SLFN12L: variants seen among roughly 807,000 people sequenced by gnomAD.
SLFN12L encodes the protein schlafen family member 12 like.
Under a neutral mutation model 34.8 loss-of-function variants are expected in SLFN12L, and 34 were observed. The observed-to-expected ratio is 0.98, with a 90% CI of 0.74 to 1.30. The LOEUF is 1.30. SLFN12L is among the 50% of genes most tolerant of loss of function. The pLI is 0.00. For missense variants in SLFN12L, 703 were observed against 696.2 expected (o/e 1.01, Z -0.11); for synonymous variants, 259 against 247.5 (o/e 1.05, Z -0.44).
At chr17:35,487,746 G>T in intron 2 of SLFN12L, 1 of 1,536,068 alleles carries the variant, frequency 6.5e-7, no homozygotes, top group Non-Finnish European at 8.7e-7. Context: ...CCATGTCTGC[G>T]CACTCTTCAC....
rs991274237 is a variant in SLFN12L at position 35,467,965 on chromosome 17, A to T, written c.*6958T>A. Reference sequence around the variant, plus strand: ...CACTCTGTTACCCAGGCTGGAGTGCAGTGGCGTGATCACGATTCACTCCCC... The same window carrying T: ...CACTCTGTTACCCAGGCTGGAGTGCTGTGGCGTGATCACGATTCACTCCCC... On this transcript the variant is annotated 3_prime_UTR_variant, in exon 5 of 5. Coordinates refer to ENST00000628453, the MANE Select transcript of SLFN12L (RefSeq NM_001363830.2). Among the ~76,000 whole-genome samples the T allele has an allele frequency of 6.6e-6, 1 of 152,204 alleles. No individual in the cohort carries two copies. Among genetic ancestry groups the T allele is most frequent in the African/African-American group, 2.4e-5 (1 of 41,450 alleles).
intron 2 of SLFN12L, chr17:35,487,863 TG>T: frequency 9.7e-7 from 1 of 1,034,518 alleles, no homozygotes; most frequent in Non-Finnish European, 1.5e-6. Flanking sequence ...TCCCCGGAAG[TG>T]GTGGCACCGC....
intron 2 of SLFN12L, among the ~76,000 whole-genome samples, chr17:35,506,597 T>C (rs949082339): frequency 2.6e-5 from 4 of 152,194 alleles, no homozygotes; most frequent in African/African-American, 9.7e-5. Context: ...CCTGAGCCAG[T>C]ATTTCAAATC....
At position 35,474,902 on chromosome 17, in the gene SLFN12L, G is replaced by A. The variant is rs866011943; in HGVS notation, c.*21C>T. 1.3e-6 allele frequency: 2 copies of A among 1,521,802 alleles called. No homozygotes were observed. The highest frequency in any genetic ancestry group is 1.8e-6 in the Non-Finnish European group (2 of 1,136,440). The allele number at this position is 1,521,802 out of a possible 1,614,324, so 94.3% of individuals were successfully genotyped here. Reference sequence around the variant, plus strand: ...GTCGAGATCGTGTCACTACACTCCAGTCTGGGTGACAGAGTGAGACTCATC... The same window carrying A: ...GTCGAGATCGTGTCACTACACTCCAATCTGGGTGACAGAGTGAGACTCATC... On this transcript the variant is annotated 3_prime_UTR_variant, in exon 5 of 5. Coordinates refer to ENST00000628453, the MANE Select transcript of SLFN12L (RefSeq NM_001363830.2).
At chr17:35,492,079 C>T (rs1262285353) in intron 2 of SLFN12L, among the ~76,000 whole-genome samples, 1 of 152,174 alleles carries the variant, frequency 6.6e-6, no homozygotes, top group African/African-American at 2.4e-5. Flanking sequence ...TTTAAGCATT[C>T]CTGTGGCACC....
At chr17:35,520,480 C>T (rs944440189) in intron 2 of SLFN12L, among the ~76,000 whole-genome samples, 4 of 152,174 alleles carry the variant, frequency 2.6e-5, no homozygotes, top group African/African-American at 9.7e-5. Flanking sequence ...CACGATGGCT[C>T]ATGCCTGTAA....
At chr17:35,502,930 A>G (rs1915348900) in intron 2 of SLFN12L, among the ~76,000 whole-genome samples, 1 of 152,330 alleles carries the variant, frequency 6.6e-6, no homozygotes, top group African/African-American at 2.4e-5. Context: ...AATGTTTGTA[A>G]TAAGTCAGAC....
rs1339551577 is a variant in SLFN12L, at chr17:35,465,715, C to T, written c.*9208G>A. ...GCAGGCACCTCACGGTGGAGGACTACAACATTATTGCTGTGGTCTTGTCGA... is the reference window on the plus strand; with the variant it reads ...GCAGGCACCTCACGGTGGAGGACTATAACATTATTGCTGTGGTCTTGTCGA... On this transcript the variant is annotated 3_prime_UTR_variant, in exon 5 of 5. Coordinates refer to ENST00000628453, the MANE Select transcript of SLFN12L (RefSeq NM_001363830.2). Among the ~76,000 whole-genome samples the T allele has an allele frequency of 6.7e-6, 1 of 149,886 alleles. No individual in the cohort carries two copies. Among genetic ancestry groups the T allele is most frequent in the Admixed American group, 6.7e-5 (1 of 14,896 alleles).
intron 1 of SLFN12L, among the ~76,000 whole-genome samples, chr17:35,528,546 C>A (rs901324351): frequency 6.6e-6 from 1 of 152,132 alleles, no homozygotes; most frequent in Non-Finnish European, 1.5e-5. Flanking sequence ...CACCACACAT[C>A]CACAACCATT....
At chr17:35,529,397 T>C (rs565181085) in intron 1 of SLFN12L, among the ~76,000 whole-genome samples, 11 of 152,352 alleles carry the variant, frequency 7.2e-5, no homozygotes, top group African/African-American at 2.6e-4. Flanking sequence ...CATACACACA[T>C]ATGTTTATTG....
At chr17:35,478,916 G>C (rs1301083117) in intron 3 of SLFN12L, among the ~76,000 whole-genome samples, 1 of 152,222 alleles carries the variant, frequency 6.6e-6, no homozygotes, top group Non-Finnish European at 1.5e-5. Context: ...AGGCTACTAA[G>C]AGTAGATATT....
Position 35,472,167 on chromosome 17 carries a change from TTTC to T in SLFN12L, c.*2753_*2755del, listed in dbSNP as rs1457009448. ...ATGTCCTGAATGGTATTGCCTAGGT[TTTC>T]TTCTAGAGTTTTTATGGTTTTGAGT... On this transcript the variant is annotated 3_prime_UTR_variant, in exon 5 of 5. Coordinates refer to ENST00000628453, the MANE Select transcript of SLFN12L (RefSeq NM_001363830.2). Among the ~76,000 whole-genome samples the T allele has an allele frequency of 6.6e-6, 1 of 152,240 alleles. No individual in the cohort carries two copies. The highest frequency in any genetic ancestry group is 1.5e-5 in the Non-Finnish European group (1 of 68,040).
At position 35,522,259 on chromosome 17, in the gene SLFN12L, C is replaced by T. The variant is rs1355857838; in HGVS notation, c.86+20G>A. The stretch of plus-strand genomic sequence containing the variant: ...ACCCAGATTAAATAATACTTAGAGA[C>T]ATAAGGTCCAACTGCTTACCTGATG... On this transcript the variant is annotated intron_variant, in intron 2 of 4. Coordinates refer to ENST00000628453, the MANE Select transcript of SLFN12L (RefSeq NM_001363830.2). 30 of 1,613,424 alleles carry T rather than the reference C, an allele frequency of 1.9e-5. No homozygotes were observed. The highest frequency in any genetic ancestry group is 2.5e-5 in the Non-Finnish European group (30 of 1,179,708).
Position 35,479,260 on chromosome 17 carries a change from C to G in SLFN12L, c.1022G>C (p.Cys341Ser). The change falls in exon 3 of 5, where the codon TGT (cysteine) becomes TCT (serine). Residue 341 changes from cysteine to serine, a missense_variant. Physicochemically the swap from Cys to Ser is moderately radical, Grantham distance 112. Coordinates refer to ENST00000628453, the MANE Select transcript of SLFN12L (RefSeq NM_001363830.2). ...CACTCTGAGTGCATACACATATCCA[C>G]AAAGCCTTCCTTTATCATATACTCC... is the stretch of plus-strand genomic sequence containing the variant. ...FLGVYDKGRL[C>S]GYVYALRVER... The G allele has an allele frequency of 6.3e-7, 1 of 1,592,640 alleles. No homozygotes were observed. Among genetic ancestry groups the G allele is most frequent in the Non-Finnish European group, 8.6e-7 (1 of 1,167,946 alleles).
chr17:35,532,320 A>T lies in SLFN12L; in HGVS notation c.-606+5253T>A, dbSNP rs553592795. The stretch of plus-strand genomic sequence containing the variant: ...CTGGGCGTGGTGGCACATGCCTCTT[A>T]TGCCAGCTACTTGGGAGGCTGAGGA... On this transcript the variant is annotated intron_variant, in intron 1 of 4. Coordinates refer to ENST00000628453, the MANE Select transcript of SLFN12L (RefSeq NM_001363830.2). Among the ~76,000 whole-genome samples the T allele has an allele frequency of 3.9e-5, 6 of 152,026 alleles. No homozygotes were observed. In the East Asian group the frequency reaches 7.8e-4, roughly 20 times the overall value.
chr17:35,484,213 C>T (rs1053111560), intron 2 of SLFN12L, among the ~76,000 whole-genome samples: 1 of 152,172 alleles, frequency 6.6e-6, no homozygotes, highest in East Asian at 1.9e-4. Flanking sequence ...CATCCCAGAA[C>T]TCCCATATTT....
chr17:35,526,906 C>A (rs562228713), intron 1 of SLFN12L, among the ~76,000 whole-genome samples: 2 of 151,864 alleles, frequency 1.3e-5, no homozygotes, highest in Admixed American at 6.6e-5. Flanking sequence ...TTCAAAAATT[C>A]AATGAATCTA....
At chr17:35,504,132 A>G (rs1318075374) in intron 2 of SLFN12L, among the ~76,000 whole-genome samples, 1 of 152,110 alleles carries the variant, frequency 6.6e-6, no homozygotes, top group East Asian at 1.9e-4. Context: ...CCCTGTGGGG[A>G]CTTGCCAAGT....
intron 2 of SLFN12L, among the ~76,000 whole-genome samples, chr17:35,519,600 A>G (rs796990420): frequency 1.3e-5 from 2 of 152,228 alleles, no homozygotes; most frequent in East Asian, 3.8e-4. Context: ...TGGCACTTCA[A>G]TCCCCACCCT....
Sources: gnomAD v4.1 joint callset for allele counts (sites outside exome capture counted in the v4.1 genomes callset) on GRCh38, gnomAD v4.1.1 for gene constraint, MANE v1.5 for transcripts, NCBI Gene and HGNC (gene_info 2026-07-23, HGNC 2026-07-21) for gene names.